Variants in CCDC33 observed in about 807,000 individuals in gnomAD.
CCDC33 encodes the protein coiled-coil domain-containing protein 33.
Under a neutral mutation model 91.9 loss-of-function variants are expected in CCDC33, and 94 were observed. The observed-to-expected ratio is 1.02, with a 90% CI of 0.87 to 1.21. CCDC33 has a LOEUF of 1.21. Among genes scored for constraint, CCDC33 ranks in the 50% most tolerant of loss-of-function variants. The probability of loss-of-function intolerance (pLI) is 0.00; values close to 1 mark genes in which losing one functional copy is unlikely to be tolerated. For missense variants in CCDC33, 940 were observed against 935.5 expected (o/e 1.00, Z -0.06); for synonymous variants, 396 against 374.5 (o/e 1.06, Z -0.66).
intron 11 of CCDC33, among the ~76,000 whole-genome samples, chr15:74,296,268 G>T (rs1204203461): frequency 6.6e-6 from 1 of 152,174 alleles, no homozygotes; most frequent in Non-Finnish European, 1.5e-5. Flanking sequence ...TGGCCACTGG[G>T]TAGTGGGAAA....
upstream of CCDC33, among the ~76,000 whole-genome samples, chr15:74,233,039 A>G (rs1595902213): frequency 1.3e-5 from 2 of 152,198 alleles, no homozygotes; most frequent in African/African-American, 4.8e-5. Context: ...TAGCCCTTCA[A>G]CAGAAATGTC....
At chr15:74,296,236 A>G (rs1020735744) in intron 11 of CCDC33, among the ~76,000 whole-genome samples, 3 of 152,224 alleles carry the variant, frequency 2.0e-5, no homozygotes, top group Admixed American at 1.3e-4. Context: ...GTAGGCATCA[A>G]CTCAGAACTT....
At chr15:74,249,935 G>T (rs1254883519) in intron 2 of CCDC33, among the ~76,000 whole-genome samples, 8 of 151,952 alleles carry the variant, frequency 5.3e-5, no homozygotes, top group Non-Finnish European at 1.2e-4. Flanking sequence ...TTCCCCTATG[G>T]CCACATCTCT....
intron 11 of CCDC33, among the ~76,000 whole-genome samples, chr15:74,321,952 C>T (rs531790498): frequency 2.0e-5 from 3 of 152,056 alleles, no homozygotes; most frequent in East Asian, 1.9e-4. Flanking sequence ...CTGGTGTAGG[C>T]GAGAAACAGC....
intron 17 of CCDC33, 21 bp downstream of exon 17, chr15:74,333,988 G>C: frequency 6.2e-7 from 1 of 1,603,334 alleles, no homozygotes; most frequent in Non-Finnish European, 8.5e-7. Context: ...TGCAGGAGTT[G>C]ATGAGGCTGG....
In CCDC33 at chr15:74,236,610, A is replaced by G; in HGVS notation, c.-110A>G. On this transcript the variant is annotated 5_prime_UTR_variant, in exon 1 of 19. Coordinates refer to ENST00000398814, the MANE Select transcript of CCDC33 (RefSeq NM_025055.5). Reference sequence around the variant, plus strand: ...CTGTCTACTACCCATAAGGACTCCAAGACGCCCAGGCCAGCTGTCTGGGCA... The same window carrying G: ...CTGTCTACTACCCATAAGGACTCCAGGACGCCCAGGCCAGCTGTCTGGGCA... 3.0e-6 allele frequency: 3 copies of G among 989,504 alleles called. No individual in the cohort carries two copies. Among genetic ancestry groups the G allele is most frequent in the Non-Finnish European group, 4.7e-6 (3 of 644,634 alleles). 61.3% of individuals were successfully genotyped at this position (989,504 alleles called of 1,614,324 possible). A position where few individuals can be genotyped will look rare whatever the true frequency, so the allele number is the denominator to read the frequency against.
Position 74,245,614 on chromosome 15 carries a change from G to A in CCDC33, c.185+1466G>A, listed in dbSNP as rs1388811286. 2.6e-5 allele frequency among the ~76,000 whole-genome samples: 4 copies of A among 152,190 alleles called. No individual in the cohort carries two copies. In the South Asian group the frequency reaches 8.3e-4, roughly 32 times the overall value. On this transcript the variant is annotated intron_variant, in intron 2 of 18. Coordinates refer to ENST00000398814, the MANE Select transcript of CCDC33 (RefSeq NM_025055.5). ...GCTGTGTGGCTCCTAGGCAGGCACC[G>A]CGACCCGCGCCATCACCCGGTTGCC... is the stretch of plus-strand genomic sequence containing the variant.
intron 11 of CCDC33, among the ~76,000 whole-genome samples, chr15:74,306,303 A>G (rs1054581568): frequency 5.3e-5 from 8 of 152,168 alleles, no homozygotes; most frequent in African/African-American, 1.9e-4. Flanking sequence ...GAGGGGGTCT[A>G]CCTAATCCTA....
intron 2 of CCDC33, among the ~76,000 whole-genome samples, chr15:74,262,114 G>C (rs1038637797): frequency 6.6e-6 from 1 of 152,154 alleles, no homozygotes; most frequent in Non-Finnish European, 1.5e-5. Context: ...TCCTGCTGGA[G>C]AGCCCTCCCT....
chr15:74,236,761 C>A (rs377616647), intron 1 of CCDC33, 21 bp downstream of exon 1: 20 of 1,612,482 alleles, frequency 1.2e-5, no homozygotes, highest in Middle Eastern at 1.7e-4. Flanking sequence ...GGGCATGGGC[C>A]ATGCACCTGC....
intron 10 of CCDC33, among the ~76,000 whole-genome samples, chr15:74,284,074 C>G (rs2059426539): frequency 6.6e-6 from 1 of 152,208 alleles, no homozygotes; most frequent in Admixed American, 6.5e-5. Context: ...CCCTTTGATT[C>G]TAGAATCTTG....
intron 10 of CCDC33, among the ~76,000 whole-genome samples, chr15:74,292,548 G>A (rs1190795098): frequency 3.3e-5 from 5 of 152,168 alleles, no homozygotes; most frequent in African/African-American, 4.8e-5. Context: ...TGTGCCCTGC[G>A]GGATCTGTGC....
In CCDC33 at chr15:74,254,780, T is replaced by C. The variant is rs796310656; in HGVS notation, c.186-7660T>C. On this transcript the variant is annotated intron_variant, in intron 2 of 18. Transcript: ENST00000398814. ...TTTTTTTTTTGAGACGGAGTTTCACTCTTGTCACCCAGGCTGGTGTGCAAT... is the reference window on the plus strand; with the variant it reads ...TTTTTTTTTTGAGACGGAGTTTCACCCTTGTCACCCAGGCTGGTGTGCAAT... Among the ~76,000 whole-genome samples, 8 of 136,020 alleles carry C rather than the reference T, an allele frequency of 5.9e-5. No homozygotes were observed. The South Asian group carries it at 2.0e-3, about 34-fold the overall frequency. 89.2% of individuals were successfully genotyped at this position (136,020 alleles called of 152,430 possible).
chr15:74,222,879 C>G (rs1454005806), intron 2 of CCDC33, among the ~76,000 whole-genome samples: 2 of 151,346 alleles, frequency 1.3e-5, no homozygotes, highest in Admixed American at 6.6e-5. Flanking sequence ...CAGGCATCCT[C>G]TTGCCTTTAA....
intron 6 of CCDC33, 70 bp from the exon 7 acceptor site, chr15:74,272,701 C>CG: frequency 6.3e-7 from 1 of 1,579,726 alleles, no homozygotes. Context: ...AGAGTCTAAG[C>CG]GGGGGGCCCT....
chr15:74,299,289 C>G (rs1421964303), intron 11 of CCDC33, among the ~76,000 whole-genome samples: 1 of 152,202 alleles, frequency 6.6e-6, no homozygotes, highest in Admixed American at 6.5e-5. Flanking sequence ...CCTGGTGAGG[C>G]CTTAAGGACT....
intron 10 of CCDC33, among the ~76,000 whole-genome samples, chr15:74,293,441 A>G (rs1342283495): frequency 6.6e-6 from 1 of 152,104 alleles, no homozygotes; most frequent in Non-Finnish European, 1.5e-5. Context: ...TCATCCATCC[A>G]TCCAATATGC....
chr15:74,241,428 G>A (rs1021444824), intron 1 of CCDC33, among the ~76,000 whole-genome samples: 6 of 152,322 alleles, frequency 3.9e-5, no homozygotes, highest in Admixed American at 3.3e-4. Flanking sequence ...GCAGAGGCGG[G>A]GAGGCAGGAG....
At chr15:74,291,499 G>A (rs975048586) in intron 10 of CCDC33, among the ~76,000 whole-genome samples, 1 of 152,256 alleles carries the variant, frequency 6.6e-6, no homozygotes, top group Non-Finnish European at 1.5e-5. Flanking sequence ...CGGGGCGAGG[G>A]ACAAATGTCT....
Sources: gnomAD v4.1 joint callset for allele counts (sites outside exome capture counted in the v4.1 genomes callset) on GRCh38, gnomAD v4.1.1 for gene constraint, MANE v1.5 for transcripts, NCBI Gene and HGNC (gene_info 2026-07-23, HGNC 2026-07-21) for gene names.